UTP20: variants seen among roughly 807,000 people sequenced by gnomAD.
UTP20 encodes UTP20 small subunit processome component.
Under a neutral mutation model 329.5 loss-of-function variants are expected in UTP20, and 164 were observed. That is an observed-to-expected ratio of 0.50 (90% confidence interval 0.44 to 0.57). The LOEUF is 0.57. Among genes scored for constraint, UTP20 ranks in the 20% least tolerant of loss-of-function variants. UTP20 has a pLI of 0.00. For synonymous variants in UTP20, 1,151 were observed against 1,159.3 expected (o/e 0.99, Z 0.14); for missense variants, 3,055 against 3,284.2 (o/e 0.93, Z 1.71).
chr12:101,341,063 C>T (rs1013854366), intron 32 of UTP20, among the ~76,000 whole-genome samples: 10 of 145,536 alleles, frequency 6.9e-5, no homozygotes, highest in African/African-American at 2.5e-4. Context: ...GCAACCTCCA[C>T]CTCCTGGGTT....
In UTP20 at chr12:101,369,894, G is replaced by A; in HGVS notation, c.6555+3G>A. On this transcript the variant is annotated splice_donor_region_variant and intron_variant, in intron 49 of 61. Transcript: ENST00000261637. ...ACCTTGTGGTCAATTGTTTCAAGGTGAGATGTCTTCACTTGCCCTTGGAAA... is the reference window on the plus strand; with the variant it reads ...ACCTTGTGGTCAATTGTTTCAAGGTAAGATGTCTTCACTTGCCCTTGGAAA... The A allele has an allele frequency of 6.2e-7, 1 of 1,613,288 alleles. No individual in the cohort carries two copies. The highest frequency in any genetic ancestry group is 2.2e-5 in the East Asian group (1 of 44,870).
chr12:101,281,233 C>A, intron 2 of UTP20, 37 bp downstream of exon 2: 1 of 1,550,758 alleles, frequency 6.4e-7, no homozygotes, highest in South Asian at 1.1e-5. Context: ...TTCAAGTGTT[C>A]ATGGTGTTTT....
At chr12:101,294,431 C>T (rs1299941650) in intron 11 of UTP20, among the ~76,000 whole-genome samples, 1 of 152,142 alleles carries the variant, frequency 6.6e-6, no homozygotes, top group Non-Finnish European at 1.5e-5. Context: ...CTCTCATGCT[C>T]CCAATAGAAT....
In UTP20 at chr12:101,379,325, T is replaced by C; in HGVS notation, c.7397-46T>C. ...TTAACTTAGTCATATTTACCTCTAA[T>C]CAGGAAGGCCATGTGACATCCACAA... On this transcript the variant is annotated intron_variant, in intron 56 of 61. Transcript: ENST00000261637. 2.0e-6 allele frequency: 3 copies of C among 1,502,216 alleles called. No individual in the cohort carries two copies. In the South Asian group the frequency reaches 3.9e-5, roughly 20 times the overall value. 93.1% of individuals were successfully genotyped at this position (1,502,216 alleles called of 1,614,324 possible). A position where few individuals can be genotyped will look rare whatever the true frequency, so the allele number is the denominator to read the frequency against.
intron 25 of UTP20, among the ~76,000 whole-genome samples, chr12:101,323,974 T>A (rs1868465879): frequency 6.6e-6 from 1 of 151,664 alleles, no homozygotes; most frequent in African/African-American, 2.4e-5. Context: ...CCAACTCTAC[T>A]AAAAATACCA....
chr12:101,346,676 G>A, intron 38 of UTP20, 88 bp downstream of exon 38: 1 of 1,318,470 alleles, frequency 7.6e-7, no homozygotes, highest in Non-Finnish European at 1.0e-6. Context: ...TGGTGTTTGT[G>A]TTGATGTCAT....
At position 101,295,598 on chromosome 12, in the gene UTP20, C is replaced by G; in HGVS notation, c.1370C>G (p.Pro457Arg). Residue 457 changes from proline to arginine, a missense_variant, in exon 12 of 62, where the codon CCC (proline) becomes CGC (arginine). Physicochemically the swap from Pro to Arg is moderately radical, Grantham distance 103 (BLOSUM62 -2). Around this residue, in one of 3 missense-constraint regions of UTP20, gnomAD observed 2,445 missense variants for 2,575.5 expected, o/e 0.95. Transcript: ENST00000261637. Reference protein sequence around the residue: ...AKLILNKAAPPTAGSMAIEKY... With the variant: ...AKLILNKAAPRTAGSMAIEKY... ...CTCATTCTGAACAAAGCAGCACCTCCCACTGCTGGCTCGATGGCAATTGAA... is the reference window on the plus strand; with the variant it reads ...CTCATTCTGAACAAAGCAGCACCTCGCACTGCTGGCTCGATGGCAATTGAA... The G allele has an allele frequency of 6.2e-7, 1 of 1,613,318 alleles. No homozygotes were observed.
chr12:101,356,830 A>C, intron 42 of UTP20, 96 bp from the exon 43 acceptor site: 1 of 1,481,336 alleles, frequency 6.8e-7, no homozygotes, highest in Non-Finnish European at 9.1e-7. Flanking sequence ...TAACAGGAAA[A>C]TTTGAGTTAC....
At position 101,373,690 on chromosome 12, in the gene UTP20, T is replaced by G; in HGVS notation, c.7054T>G (p.Ser2352Ala). The G allele has an allele frequency of 6.2e-7, 1 of 1,613,028 alleles. No homozygotes were observed. Among genetic ancestry groups the G allele is most frequent in the Non-Finnish European group, 8.5e-7 (1 of 1,179,856 alleles). ...CKKMASMTIK[S>A]LLGKISLEKK... Reference sequence around the variant, plus strand: ...AAAGATGGCATCCATGACAATCAAGTCCCTACTTGGTAAAATCAGCCTCGA... The same window carrying G: ...AAAGATGGCATCCATGACAATCAAGGCCCTACTTGGTAAAATCAGCCTCGA... Residue 2352 changes from serine to alanine, a missense_variant, in exon 54 of 62, where the codon TCC becomes GCC. This residue lies in a region of UTP20 where 273 missense variants were observed against 363.1 expected (regional missense o/e 0.75). Coordinates refer to ENST00000261637, the MANE Select transcript of UTP20 (RefSeq NM_014503.3).
intron 38 of UTP20, 68 bp downstream of exon 38, chr12:101,346,656 A>G: frequency 6.9e-7 from 1 of 1,458,606 alleles, no homozygotes; most frequent in Non-Finnish European, 9.2e-7. Context: ...CAGAATATAC[A>G]TGGAGTTGGT....
At chr12:101,334,934 C>T (rs1469032457) in intron 29 of UTP20, among the ~76,000 whole-genome samples, 2 of 151,074 alleles carry the variant, frequency 1.3e-5, no homozygotes, top group Non-Finnish European at 2.9e-5. Context: ...GATCATGCCA[C>T]TGCATTCTAG....
chr12:101,301,216 G>A (rs1456621909), intron 14 of UTP20, among the ~76,000 whole-genome samples: 1 of 152,168 alleles, frequency 6.6e-6, no homozygotes. Flanking sequence ...CTAAATGAGT[G>A]TTTAATTAAT....
In UTP20 at chr12:101,365,575, C is replaced by T; in HGVS notation, c.6075C>T (p.Leu2025=). The part of the protein sequence containing the change: ...QEMTAESILL[L]SYGLISENLP... ...TGACAGCTGAATCCATTCTATTACTCAGTTATGGTTTGATCAGTGAAAATC... is the reference window on the plus strand; with the variant it reads ...TGACAGCTGAATCCATTCTATTACTTAGTTATGGTTTGATCAGTGAAAATC... Residue 2025 remains leucine, a synonymous_variant, in exon 46 of 62, where the codon CTC becomes CTT. Coordinates refer to ENST00000261637, the MANE Select transcript of UTP20 (RefSeq NM_014503.3). 1 of 1,611,122 alleles carries T rather than the reference C, an allele frequency of 6.2e-7. No homozygotes were observed. The highest frequency in any genetic ancestry group is 8.5e-7 in the Non-Finnish European group (1 of 1,179,226).
intron 8 of UTP20, chr12:101,291,481 G>A (rs1156363858): frequency 6.5e-5 from 14 of 214,108 alleles, no homozygotes; most frequent in East Asian, 5.9e-4. Context: ...CAGAGGTTGC[G>A]GTGAGCAAAG....
chr12:101,314,833 G>T (rs1480177854), intron 21 of UTP20, among the ~76,000 whole-genome samples: 1 of 152,110 alleles, frequency 6.6e-6, no homozygotes, highest in Non-Finnish European at 1.5e-5. Context: ...GGGCACAGTG[G>T]CTCACACCTA....
Position 101,329,330 on chromosome 12 carries a change from A to G in UTP20, c.3298A>G (p.Ser1100Gly). The change falls in exon 27 of 62, where the codon AGC (serine) becomes GGC (glycine). Residue 1100 changes from serine (S) to glycine (G), a missense_variant. Transcript: ENST00000261637. Reference protein sequence around the residue: ...PLGRQHGILNSLEIVLKNISH... With the variant: ...PLGRQHGILNGLEIVLKNISH... ...AGGTCGTCAGCACGGTATCTTAAAC[A>G]GCCTTGAGATAGTATTGAAAAACAT... 6.2e-7 allele frequency: 1 copy of G among 1,614,180 alleles called. No individual in the cohort carries two copies. Among genetic ancestry groups the G allele is most frequent in the Non-Finnish European group, 8.5e-7 (1 of 1,180,036 alleles).
intron 17 of UTP20, among the ~76,000 whole-genome samples, chr12:101,307,699 A>AGATAGGAATGAATACTACTCCAC (rs1872678302): frequency 6.6e-6 from 1 of 152,098 alleles, no homozygotes; most frequent in African/African-American, 2.4e-5. Context: ...ATTCCTTTTG[A>AGATAGGAATGAATACTACTCCAC]AGTTTGAATA....
intron 19 of UTP20, among the ~76,000 whole-genome samples, chr12:101,311,399 G>A (rs1872785538): frequency 6.6e-6 from 1 of 152,068 alleles, no homozygotes; most frequent in South Asian, 2.1e-4. Flanking sequence ...TCTCCAGAGG[G>A]CCCCTTCTTC....
At chr12:101,350,614 G>A (rs1565801361) in intron 38 of UTP20, among the ~76,000 whole-genome samples, 1 of 152,090 alleles carries the variant, frequency 6.6e-6, no homozygotes, top group Non-Finnish European at 1.5e-5. Context: ...AGCTCTCTTA[G>A]GGCAGGAGCA....
Sources: gnomAD v4.1 joint callset for allele counts (sites outside exome capture counted in the v4.1 genomes callset) on GRCh38, gnomAD v4.1.1 for gene constraint, gnomAD v4.1.1 regional missense constraint, MANE v1.5 for transcripts, NCBI Gene and HGNC (gene_info 2026-07-23, HGNC 2026-07-21) for gene names.